XIRP2: variants seen among roughly 807,000 people sequenced by gnomAD.
The protein encoded by XIRP2 is xin actin binding repeat containing 2.
XIRP2 carries 236 observed loss-of-function variants against 277.0 expected under a neutral mutation model. The ratio of observed to expected loss-of-function variants is 0.85; its 90% CI spans 0.77 to 0.95. XIRP2 has a LOEUF of 0.95. XIRP2 is among the 40% of genes least tolerant of loss of function. The pLI, the probability that XIRP2 is intolerant of heterozygous loss-of-function variation, is 0.00. For synonymous variants in XIRP2, 1,490 were observed against 1,416.5 expected, an observed-to-expected ratio of 1.05 and a Z score of -1.17; for missense variants, 4,640 against 4,157.5, an observed-to-expected ratio of 1.12 and a Z score of -3.19.
chr2:166,999,669 C>A (rs1311630372), intron 2 of XIRP2, among the ~76,000 whole-genome samples: 1 of 152,098 alleles, frequency 6.6e-6, no homozygotes, highest in African/African-American at 2.4e-5. Context: ...CATTTTAATT[C>A]TCGCTTAAAA....
At chr2:167,021,393 C>A (rs1008788955) in intron 2 of XIRP2, among the ~76,000 whole-genome samples, 4 of 151,994 alleles carry the variant, frequency 2.6e-5, no homozygotes, top group African/African-American at 9.7e-5. Context: ...TGTCTGCTCC[C>A]AAAACAGTAT....
chr2:167,187,795 G>T (rs2105362974), intron 3 of XIRP2, among the ~76,000 whole-genome samples: 1 of 152,254 alleles, frequency 6.6e-6, no homozygotes, highest in Non-Finnish European at 1.5e-5. Context: ...AAACAGTCAT[G>T]AGTTAAAATT....
intron 3 of XIRP2, among the ~76,000 whole-genome samples, chr2:167,206,552 A>C (rs1025873969): frequency 6.6e-6 from 1 of 152,210 alleles, no homozygotes; most frequent in African/African-American, 2.4e-5. Context: ...GACGTGGCTC[A>C]TATCAGCCTC....
chr2:167,022,792 T>C (rs900889420), intron 2 of XIRP2, among the ~76,000 whole-genome samples: 4 of 152,236 alleles, frequency 2.6e-5, no homozygotes, highest in Non-Finnish European at 5.9e-5. Context: ...TCCTTTTTTA[T>C]GGCTGCATAG....
intron 1 of XIRP2, among the ~76,000 whole-genome samples, chr2:166,896,519 A>G (rs773949771): frequency 7.9e-5 from 12 of 151,864 alleles, no homozygotes; most frequent in Non-Finnish European, 1.5e-4. Context: ...AGTTTATAAA[A>G]TAAAGATATA....
At chr2:167,037,630 G>C (rs935768199) in intron 2 of XIRP2, among the ~76,000 whole-genome samples, 12 of 151,272 alleles carry the variant, frequency 7.9e-5, no homozygotes, top group Admixed American at 3.3e-4. Context: ...TATTTTGGAT[G>C]TACACCCTGA....
chr2:167,201,874 T>C (rs1347644607), intron 3 of XIRP2, among the ~76,000 whole-genome samples: 1 of 152,184 alleles, frequency 6.6e-6, no homozygotes, highest in Non-Finnish European at 1.5e-5. Context: ...CGTAAGAGAC[T>C]GTGTAGAGTT....
At chr2:167,169,939 T>G (rs1399024104) in intron 3 of XIRP2, among the ~76,000 whole-genome samples, 1 of 152,176 alleles carries the variant, frequency 6.6e-6, no homozygotes, top group Admixed American at 6.5e-5. Context: ...TGTAAGGCAC[T>G]CTAATATGAT....
intron 2 of XIRP2, among the ~76,000 whole-genome samples, chr2:167,128,788 C>T (rs985921889): frequency 4.6e-5 from 7 of 152,272 alleles, no homozygotes; most frequent in African/African-American, 1.7e-4. Context: ...TATTATCACA[C>T]TCTTTTTTGT....
At chr2:167,036,702 A>C (rs895553400) in intron 2 of XIRP2, among the ~76,000 whole-genome samples, 5 of 152,060 alleles carry the variant, frequency 3.3e-5, no homozygotes, top group Admixed American at 3.3e-4. Context: ...ATGTGAGGAC[A>C]TGAGATTTGG....
chr2:167,082,447 T>C (rs1168659972), intron 2 of XIRP2, among the ~76,000 whole-genome samples: 2 of 151,960 alleles, frequency 1.3e-5, no homozygotes, highest in Non-Finnish European at 1.5e-5. Context: ...TTAGAGTTCT[T>C]TGGGTATATA....
At chr2:167,037,164 CAAAG>C (rs1688530870) in intron 2 of XIRP2, among the ~76,000 whole-genome samples, 2 of 152,184 alleles carry the variant, frequency 1.3e-5, no homozygotes, top group Non-Finnish European at 2.9e-5. Flanking sequence ...AGAAAACCAA[CAAAG>C]AAACATCAGA....
At chr2:167,001,711 C>G (rs1026249691) in intron 2 of XIRP2, among the ~76,000 whole-genome samples, 3 of 152,088 alleles carry the variant, frequency 2.0e-5, no homozygotes, top group Non-Finnish European at 2.9e-5. Flanking sequence ...AGTACAAAAA[C>G]ATATCTTTTG....
intron 3 of XIRP2, among the ~76,000 whole-genome samples, chr2:167,176,694 G>A (rs1457447710): frequency 6.6e-6 from 1 of 152,228 alleles, no homozygotes; most frequent in South Asian, 2.1e-4. Context: ...TGTTAGTGTG[G>A]GGTAAGTCAA....
chr2:167,009,913 T>TTTG (rs1687617114), intron 2 of XIRP2, among the ~76,000 whole-genome samples: 1 of 152,120 alleles, frequency 6.6e-6, no homozygotes, highest in South Asian at 2.1e-4. Context: ...GATGGGGTTC[T>TTTG]TTGTTTTTTT....
At chr2:167,221,539 G>A (rs1423212650) in intron 5 of XIRP2, among the ~76,000 whole-genome samples, 1 of 150,142 alleles carries the variant, frequency 6.7e-6, no homozygotes, top group East Asian at 1.9e-4. Flanking sequence ...AATCCTTATT[G>A]GAAAATTGAG....
intron 2 of XIRP2, among the ~76,000 whole-genome samples, chr2:166,921,089 T>A (rs1685024832): frequency 6.6e-6 from 1 of 152,112 alleles, no homozygotes; most frequent in Non-Finnish European, 1.5e-5. Flanking sequence ...TATCTCTGAA[T>A]GTCTTTCTTT....
intron 3 of XIRP2, among the ~76,000 whole-genome samples, chr2:167,181,943 A>G (rs1693025567): frequency 6.6e-6 from 1 of 151,998 alleles, no homozygotes; most frequent in Non-Finnish European, 1.5e-5. Context: ...ATAGTTATTA[A>G]TGGTGCTTTC....
intron 1 of XIRP2, among the ~76,000 whole-genome samples, chr2:166,891,381 A>G (rs1684100900): frequency 6.6e-6 from 1 of 152,210 alleles, no homozygotes; most frequent in African/African-American, 2.4e-5. Flanking sequence ...ATTAGTGGGA[A>G]ATTAAGTAAT....
Sources: gnomAD v4.1 joint callset for allele counts (sites outside exome capture counted in the v4.1 genomes callset) on GRCh38, gnomAD v4.1.1 for gene constraint, MANE v1.5 for transcripts, NCBI Gene and HGNC (gene_info 2026-07-23, HGNC 2026-07-21) for gene names.